FAM117B: variants seen among roughly 807,000 people sequenced by gnomAD.
FAM117B encodes the protein family with sequence similarity 117 member B, also known as protein FAM117B.
FAM117B carries 22 observed loss-of-function variants against 52.8 expected under a neutral mutation model. The ratio of observed to expected loss-of-function variants is 0.42; its 90% CI spans 0.30 to 0.59. The LOEUF is 0.59. Among genes scored for constraint, FAM117B ranks in the 20% least tolerant of loss-of-function variants. The pLI is 0.22. For synonymous variants in FAM117B, 309 were observed against 324.1 expected, an observed-to-expected ratio of 0.95 and a Z score of 0.50; for missense variants, 678 against 802.6, an observed-to-expected ratio of 0.84 and a Z score of 1.88.
rs371399778 is a variant in FAM117B, at chr2:202,733,240, C to T, written c.960+6877C>T. 4.6e-5 allele frequency among the ~76,000 whole-genome samples: 7 copies of T among 152,154 alleles called. No individual in the cohort carries two copies. The East Asian group carries it at 9.6e-4, about 21-fold the overall frequency. On this transcript the variant is annotated intron_variant, in intron 4 of 7. Transcript: ENST00000392238. ...ATAAAGGGCAATAAAGATCACAAGG[C>T]AAAGGGCAAAGCAAAGATCACAAGG...
At chr2:202,707,776 T>TC (rs1029586381) in intron 2 of FAM117B, among the ~76,000 whole-genome samples, 3 of 151,940 alleles carry the variant, frequency 2.0e-5, no homozygotes, top group Admixed American at 6.6e-5. Context: ...AACTTAATTT[T>TC]TTTTTTTTTT....
chr2:202,738,991 C>G (rs143103286), intron 4 of FAM117B, among the ~76,000 whole-genome samples: 1,760 of 152,244 alleles, frequency 0.012, 14 homozygotes, highest in Non-Finnish European at 0.015. Flanking sequence ...GAGTTTGAGA[C>G]CAGCCTAGCC....
At position 202,718,394 on chromosome 2, in the gene FAM117B, C is replaced by T. The variant is rs1477980025; in HGVS notation, c.754-6523C>T. 3.3e-5 allele frequency among the ~76,000 whole-genome samples: 5 copies of T among 151,988 alleles called. No homozygotes were observed. The East Asian group carries it at 9.6e-4, about 29-fold the overall frequency. ...TTATGTTGAGATACTTTCTGTTATT[C>T]CTGGTTTGTTTTTATCATGAAAGAG... On this transcript the variant is annotated intron_variant, in intron 2 of 7. Transcript: ENST00000392238.
intron 1 of FAM117B, among the ~76,000 whole-genome samples, chr2:202,648,561 A>ATG (rs138572013): frequency 3.0e-5 from 4 of 135,258 alleles, no homozygotes; most frequent in Admixed American, 8.5e-5. Flanking sequence ...ATATGTATGT[A>ATG]TGTGTGTGTG....
intron 1 of FAM117B, among the ~76,000 whole-genome samples, chr2:202,690,307 A>ACAT (rs1417981663): frequency 6.6e-6 from 1 of 152,230 alleles, no homozygotes; most frequent in African/African-American, 2.4e-5. Flanking sequence ...AATGATAGTA[A>ACAT]CATTGGAAGT....
intron 1 of FAM117B, among the ~76,000 whole-genome samples, chr2:202,678,650 C>G (rs1338973960): frequency 6.6e-6 from 1 of 152,176 alleles, no homozygotes; most frequent in Non-Finnish European, 1.5e-5. Flanking sequence ...ACCTTTGCCT[C>G]TCGGCTTCAA....
chr2:202,722,736 C>G (rs1325657196), intron 2 of FAM117B, among the ~76,000 whole-genome samples: 1 of 151,808 alleles, frequency 6.6e-6, no homozygotes, highest in African/African-American at 2.4e-5. Context: ...GGCTTAGTAC[C>G]TGGGTGACGA....
At chr2:202,754,025 A>C (rs1025536520) in intron 4 of FAM117B, among the ~76,000 whole-genome samples, 2 of 152,322 alleles carry the variant, frequency 1.3e-5, no homozygotes, top group Admixed American at 1.3e-4. Flanking sequence ...CCCATTACTG[A>C]ATATATACCC....
At chr2:202,690,972 C>A (rs182431232) in intron 1 of FAM117B, among the ~76,000 whole-genome samples, 1 of 143,704 alleles carries the variant, frequency 7.0e-6, no homozygotes, top group Non-Finnish European at 1.6e-5. Flanking sequence ...TTACAGGCTG[C>A]GACTTATTCT....
intron 4 of FAM117B, among the ~76,000 whole-genome samples, chr2:202,741,823 G>A (rs1047276301): frequency 5.9e-5 from 9 of 152,072 alleles, no homozygotes; most frequent in Admixed American, 3.3e-4. Flanking sequence ...TTGAGCCACC[G>A]CGCCTGGCCA....
Position 202,635,192 on chromosome 2 carries a change from C to A in FAM117B, c.5C>A (p.Ser2Tyr). The change falls in exon 1 of 8, where the codon TCC (serine) becomes TAC (tyrosine). Residue 2 changes from serine (S) to tyrosine (Y), a missense_variant. By Grantham distance (144) the Ser-to-Tyr change is moderately radical. Transcript: ENST00000392238. ...TCACCGGGGAGGGGGGGGACCATGTCCCAGCGGGTGAGGCGCAATGGGTCC... is the reference window on the plus strand; with the variant it reads ...TCACCGGGGAGGGGGGGGACCATGTACCAGCGGGTGAGGCGCAATGGGTCC... M[S>Y]QRVRRNGSPT... The A allele has an allele frequency of 7.8e-7, 1 of 1,282,456 alleles. No homozygotes were observed. The highest frequency in any genetic ancestry group is 9.9e-7 in the Non-Finnish European group (1 of 1,012,820). 79.4% of individuals were successfully genotyped at this position (1,282,456 alleles called of 1,614,324 possible).
intron 1 of FAM117B, among the ~76,000 whole-genome samples, chr2:202,658,474 A>G (rs1391776528): frequency 6.6e-6 from 1 of 151,898 alleles, no homozygotes; most frequent in Non-Finnish European, 1.5e-5. Context: ...GGCTAATTTT[A>G]TATTTTTAAT....
intron 1 of FAM117B, among the ~76,000 whole-genome samples, chr2:202,678,652 C>T (rs887860444): frequency 2.6e-5 from 4 of 152,158 alleles, no homozygotes; most frequent in Admixed American, 6.5e-5. Context: ...CTTTGCCTCT[C>T]GGCTTCAAAC....
chr2:202,731,338 T>A (rs913112840), intron 4 of FAM117B, among the ~76,000 whole-genome samples: 1 of 106,410 alleles, frequency 9.4e-6, no homozygotes, highest in South Asian at 2.7e-4. Flanking sequence ...TTGGAATATA[T>A]ATATATATAT....
chr2:202,710,357 T>C (rs529728727), intron 2 of FAM117B, among the ~76,000 whole-genome samples: 1 of 152,288 alleles, frequency 6.6e-6, no homozygotes, highest in South Asian at 2.1e-4. Flanking sequence ...TGATTATTCT[T>C]ATGTTATTTT....
At chr2:202,760,259 T>C (rs1559117764) in intron 7 of FAM117B, among the ~76,000 whole-genome samples, 2 of 152,198 alleles carry the variant, frequency 1.3e-5, no homozygotes, top group Non-Finnish European at 2.9e-5. Flanking sequence ...TATCCAGTCA[T>C]GTTTACATGT....
chr2:202,639,027 A>C (rs2105750478), intron 1 of FAM117B, among the ~76,000 whole-genome samples: 1 of 152,336 alleles, frequency 6.6e-6, no homozygotes, highest in Admixed American at 6.5e-5. Context: ...ATCTGGAAGG[A>C]AAGTCTTTGT....
intron 4 of FAM117B, among the ~76,000 whole-genome samples, chr2:202,745,130 A>C (rs1400364048): frequency 2.0e-5 from 3 of 151,700 alleles, no homozygotes; most frequent in Non-Finnish European, 4.4e-5. Context: ...AAATACAAAA[A>C]TTAACTGGGC....
At chr2:202,696,324 G>A (rs1690711376) in intron 2 of FAM117B, among the ~76,000 whole-genome samples, 1 of 152,040 alleles carries the variant, frequency 6.6e-6, no homozygotes, top group African/African-American at 2.4e-5. Context: ...GTTTACAACA[G>A]GGGTGTCCAA....
Sources: gnomAD v4.1 joint callset for allele counts (sites outside exome capture counted in the v4.1 genomes callset) on GRCh38, gnomAD v4.1.1 for gene constraint, MANE v1.5 for transcripts, NCBI Gene and HGNC (gene_info 2026-07-23, HGNC 2026-07-21) for gene names.